Variants in DOK6 observed in about 807,000 individuals in gnomAD.
DOK6 encodes downstream of tyrosine kinase 6.
In DOK6, 22 loss-of-function variants were observed where a neutral mutation model predicts 44.0. The observed-to-expected ratio is 0.50, with a 90% CI of 0.36 to 0.71. DOK6 has a LOEUF of 0.71. Among genes scored for constraint, DOK6 ranks in the 30% least tolerant of loss-of-function variants. The pLI is 0.00. For synonymous variants in DOK6, 166 were observed against 145.5 expected (o/e 1.14, Z -1.01); for missense variants, 340 against 416.4 (o/e 0.82, Z 1.60).
At position 69,672,265 on chromosome 18, in the gene DOK6, C is replaced by T. The variant is rs373086672; in HGVS notation, c.290-5469C>T. Among the ~76,000 whole-genome samples the T allele has an allele frequency of 2.0e-4, 31 of 152,322 alleles. No individual in the cohort carries two copies. In the East Asian group the frequency reaches 5.0e-3, roughly 25 times the overall value. On this transcript the variant is annotated intron_variant, in intron 3 of 7. Transcript: ENST00000382713. ...GTCAACTCTACAAATCTGACTTCAACAGAAAAAGCTTGTTCCTGTAGGCTA... is the reference window on the plus strand; with the variant it reads ...GTCAACTCTACAAATCTGACTTCAATAGAAAAAGCTTGTTCCTGTAGGCTA...
chr18:69,579,278 A>C (rs1178173320), intron 2 of DOK6, among the ~76,000 whole-genome samples: 1 of 152,170 alleles, frequency 6.6e-6, no homozygotes, highest in African/African-American at 2.4e-5. Context: ...AAAGATTATA[A>C]ATTTTTGCTT....
At chr18:69,743,565 T>C (rs2144741592) in intron 6 of DOK6, among the ~76,000 whole-genome samples, 1 of 152,316 alleles carries the variant, frequency 6.6e-6, no homozygotes, top group East Asian at 1.9e-4. Flanking sequence ...ACATGCACAT[T>C]AAATGAAAGG....
chr18:69,411,214 T>G (rs1157279995), intron 1 of DOK6, among the ~76,000 whole-genome samples: 2 of 152,174 alleles, frequency 1.3e-5, no homozygotes, highest in African/African-American at 4.8e-5. Flanking sequence ...TAACAATATG[T>G]GTCTAGATGA....
chr18:69,615,752 A>G (rs543489167), intron 3 of DOK6, among the ~76,000 whole-genome samples: 1 of 152,338 alleles, frequency 6.6e-6, no homozygotes, highest in East Asian at 1.9e-4. Flanking sequence ...ATAACAAACC[A>G]GAGACAGAAC....
chr18:69,803,553 G>A (rs1980963808), intron 7 of DOK6, among the ~76,000 whole-genome samples: 1 of 152,124 alleles, frequency 6.6e-6, no homozygotes, highest in South Asian at 2.1e-4. Context: ...AAGATTTAGT[G>A]AGTAACAGAG....
At chr18:69,750,565 T>C (rs757490796) in intron 6 of DOK6, among the ~76,000 whole-genome samples, 1 of 152,116 alleles carries the variant, frequency 6.6e-6, no homozygotes, top group Non-Finnish European at 1.5e-5. Context: ...TATAAAAAGA[T>C]GAAAGGTAAC....
At chr18:69,481,694 T>A (rs9675515) in intron 1 of DOK6, among the ~76,000 whole-genome samples, 36,069 of 151,980 alleles carry the variant, frequency 0.24, 4,601 homozygotes, top group East Asian at 0.53. Context: ...CGTGTGCATG[T>A]GTCTTTATAG....
chr18:69,435,588 C>G (rs1978953986), intron 1 of DOK6, among the ~76,000 whole-genome samples: 1 of 152,114 alleles, frequency 6.6e-6, no homozygotes, highest in Non-Finnish European at 1.5e-5. Context: ...TGAAGTAGAT[C>G]TTTGGAACAA....
intron 1 of DOK6, among the ~76,000 whole-genome samples, chr18:69,523,458 C>T (rs553311358): frequency 8.6e-5 from 13 of 151,970 alleles, no homozygotes; most frequent in African/African-American, 2.7e-4. Context: ...AAATAATTAC[C>T]TTATCACCTG....
chr18:69,564,515 A>T lies in DOK6; in HGVS notation c.95A>T (p.Lys32Met), dbSNP rs765185217. 6.2e-7 allele frequency: 1 copy of T among 1,613,816 alleles called. No homozygotes were observed. Among genetic ancestry groups the T allele is most frequent in the Non-Finnish European group, 8.5e-7 (1 of 1,179,920 alleles). Residue 32 changes from lysine (K) to methionine (M), a missense_variant, in exon 2 of 8, where the codon AAG becomes ATG. This residue lies in a region of DOK6 where 206 missense variants were observed against 258.6 expected (regional missense o/e 0.80). Coordinates refer to ENST00000382713, the MANE Select transcript of DOK6 (RefSeq NM_152721.6). ...GIFRRCWLVF[K>M]KASSKGPRRL... ...TTCAGACGATGCTGGTTGGTTTTCA[A>T]GAAGGCTTCTAGCAAAGGACCCAGA... is the stretch of plus-strand genomic sequence containing the variant.
intron 1 of DOK6, among the ~76,000 whole-genome samples, chr18:69,482,441 T>G (rs192244909): frequency 8.6e-5 from 13 of 151,018 alleles, no homozygotes; most frequent in Admixed American, 7.9e-4. Flanking sequence ...CTGACAATTT[T>G]CTTACAGCAT....
chr18:69,705,668 C>T (rs1306768071), intron 5 of DOK6, among the ~76,000 whole-genome samples: 1 of 152,176 alleles, frequency 6.6e-6, no homozygotes, highest in South Asian at 2.1e-4. Flanking sequence ...GGTTTTGTCA[C>T]TTAAAAACAT....
chr18:69,798,022 T>C (rs1000650840), intron 7 of DOK6, among the ~76,000 whole-genome samples: 25 of 152,122 alleles, frequency 1.6e-4, no homozygotes, highest in African/African-American at 5.3e-4. Context: ...TTTTCAGGAA[T>C]ATAGAGAGGA....
intron 7 of DOK6, among the ~76,000 whole-genome samples, chr18:69,823,347 T>G (rs1599344991): frequency 2.0e-5 from 3 of 152,116 alleles, no homozygotes; most frequent in African/African-American, 7.2e-5. Flanking sequence ...GGCAGGATGG[T>G]GGGGAAGAGC....
chr18:69,650,611 G>A (rs1304569747), intron 3 of DOK6, among the ~76,000 whole-genome samples: 1 of 152,178 alleles, frequency 6.6e-6, no homozygotes, highest in African/African-American at 2.4e-5. Flanking sequence ...CATATCCAAT[G>A]AAGGGAGGTG....
At chr18:69,703,123 C>G (rs191593354) in intron 5 of DOK6, among the ~76,000 whole-genome samples, 31 of 151,818 alleles carry the variant, frequency 2.0e-4, no homozygotes, top group Admixed American at 2.0e-3. Context: ...AAGGAAAAGG[C>G]ACTAGGTTCC....
intron 6 of DOK6, among the ~76,000 whole-genome samples, chr18:69,744,449 A>T (rs1978911808): frequency 6.6e-6 from 1 of 151,656 alleles, no homozygotes; most frequent in African/African-American, 2.4e-5. Context: ...CATATTTGTG[A>T]TTTTTTTTCT....
chr18:69,508,280 G>C (rs1981251856), intron 1 of DOK6, among the ~76,000 whole-genome samples: 1 of 151,956 alleles, frequency 6.6e-6, no homozygotes, highest in Admixed American at 6.5e-5. Context: ...GGAGTTTTTT[G>C]CATCTATATT....
intron 4 of DOK6, among the ~76,000 whole-genome samples, 200 bp downstream of exon 4, chr18:69,678,053 A>G (rs1286088219): frequency 6.6e-6 from 1 of 152,178 alleles, no homozygotes; most frequent in Admixed American, 6.5e-5. Context: ...GTTCGAGACC[A>G]GCCTGGGCAA....
Sources: allele counts gnomAD v4.1 joint callset (sites outside exome capture counted in the v4.1 genomes callset), GRCh38; gene constraint gnomAD v4.1.1; regional missense constraint gnomAD v4.1.1; transcripts MANE v1.5; gene names NCBI Gene and HGNC (gene_info 2026-07-23, HGNC 2026-07-21).